The following PLXNA2 variants were observed in gnomAD, a reference collection of about 807,000 sequenced individuals.
The protein encoded by PLXNA2 is plexin-A2.
PLXNA2 carries 91 observed loss-of-function variants against 193.5 expected under a neutral mutation model. That is an observed-to-expected ratio of 0.47 (90% confidence interval 0.40 to 0.56). PLXNA2 has a LOEUF of 0.56. Ranked by LOEUF, PLXNA2 falls within the 20% of genes least tolerant of loss-of-function variation. The pLI is 0.00. For synonymous variants in PLXNA2, 997 were observed against 1,027.3 expected (o/e 0.97, Z 0.56); for missense variants, 1,995 against 2,503.2 (o/e 0.80, Z 4.33).
At chr1:208,073,764 T>C (rs1666046074) in intron 12 of PLXNA2, among the ~76,000 whole-genome samples, 1 of 149,212 alleles carries the variant, frequency 6.7e-6, no homozygotes, top group Non-Finnish European at 1.5e-5. Flanking sequence ...AGGGTCTTTA[T>C]TTAAAAAAAA....
chr1:208,090,635 G>A (rs11118982), intron 9 of PLXNA2, among the ~76,000 whole-genome samples: 66,911 of 151,942 alleles, frequency 0.44, 14,994 homozygotes, highest in Non-Finnish European at 0.46. Flanking sequence ...GCTGCAGGTC[G>A]CTTTCAGGCT....
intron 4 of PLXNA2, among the ~76,000 whole-genome samples, chr1:208,137,423 G>T (rs1668336660): frequency 6.6e-6 from 1 of 152,206 alleles, no homozygotes; most frequent in African/African-American, 2.4e-5. Flanking sequence ...GAAAACTGGG[G>T]CTATCAAGTT....
intron 4 of PLXNA2, among the ~76,000 whole-genome samples, chr1:208,118,379 C>A (rs768078873): frequency 2.0e-5 from 3 of 152,138 alleles, no homozygotes; most frequent in Non-Finnish European, 4.4e-5. Context: ...CACAGGGAAG[C>A]CCCTTGACCC....
At chr1:208,042,922 T>G in intron 21 of PLXNA2, 139 bp downstream of exon 21, 3 of 784,958 alleles carry the variant, frequency 3.8e-6, no homozygotes, top group Non-Finnish European at 6.0e-6. Flanking sequence ...GATAGCTCTG[T>G]TGCTGAGATG....
At chr1:208,058,065 C>G (rs1325565437) in intron 13 of PLXNA2, among the ~76,000 whole-genome samples, 1 of 152,218 alleles carries the variant, frequency 6.6e-6, no homozygotes, top group Non-Finnish European at 1.5e-5. Flanking sequence ...TTGCCCCACA[C>G]TACACCACCT....
intron 12 of PLXNA2, among the ~76,000 whole-genome samples, chr1:208,075,253 T>G (rs1310086037): frequency 6.6e-6 from 1 of 151,500 alleles, no homozygotes; most frequent in East Asian, 1.9e-4. Context: ...GGGGTTGTAG[T>G]GAGCCAAGAT....
intron 4 of PLXNA2, among the ~76,000 whole-genome samples, chr1:208,141,235 A>C (rs1668448173): frequency 6.6e-6 from 1 of 152,226 alleles, no homozygotes; most frequent in Non-Finnish European, 1.5e-5. Flanking sequence ...TCGTGTGCAC[A>C]CTTATCTCTT....
chr1:208,190,165 C>A (rs1460334659), intron 3 of PLXNA2, among the ~76,000 whole-genome samples: 2 of 151,602 alleles, frequency 1.3e-5, no homozygotes, highest in African/African-American at 4.8e-5. Context: ...ATTTTTTTTT[C>A]ATTCCCAGTG....
intron 1 of PLXNA2, among the ~76,000 whole-genome samples, chr1:208,221,158 T>C (rs887230808): frequency 4.6e-5 from 7 of 152,204 alleles, no homozygotes; most frequent in Non-Finnish European, 8.8e-5. Flanking sequence ...TGAATTATAG[T>C]GTCACTCACT....
intron 16 of PLXNA2, 73 bp downstream of exon 16, chr1:208,051,183 C>G: frequency 6.3e-7 from 1 of 1,594,418 alleles, no homozygotes; most frequent in South Asian, 1.1e-5. Flanking sequence ...GGATCCCTCT[C>G]ATGAGCCAGA....
At chr1:208,120,348 G>A (rs539855387) in intron 4 of PLXNA2, among the ~76,000 whole-genome samples, 1 of 152,358 alleles carries the variant, frequency 6.6e-6, no homozygotes, top group Non-Finnish European at 1.5e-5. Flanking sequence ...GGTGATTAGA[G>A]TGGGGTGGGA....
intron 31 of PLXNA2, among the ~76,000 whole-genome samples, chr1:208,027,601 G>A (rs1664380201): frequency 6.6e-6 from 1 of 152,104 alleles, no homozygotes; most frequent in Non-Finnish European, 1.5e-5. Context: ...CTACTTTCAC[G>A]TTCAATGCTA....
In PLXNA2 at chr1:208,165,017, G is replaced by A. The variant is rs188283310; in HGVS notation, c.1372-22554C>T. Among the ~76,000 whole-genome samples, 105 of 152,338 alleles carry A rather than the reference G, an allele frequency of 6.9e-4. 1 individual carries two copies. The highest frequency in any genetic ancestry group is 3.4e-3 in the Middle Eastern group (1 of 294). ...CGGAACCAAAGCTGCTGGACCCTCC[G>A]CTTCTCTTGTGCCCCCTGTTTGAAT... On this transcript the variant is annotated intron_variant, in intron 3 of 31. Transcript: ENST00000367033.
chr1:208,052,179 C>T (rs1414620427), intron 15 of PLXNA2, 148 bp downstream of exon 15: 6 of 711,260 alleles, frequency 8.4e-6, no homozygotes, highest in African/African-American at 7.1e-5. Context: ...ATATATTTCT[C>T]ACAGTGACCG....
chr1:208,030,410 T>G (rs1053408031), intron 29 of PLXNA2: 10 of 985,630 alleles, frequency 1.0e-5, no homozygotes, highest in Non-Finnish European at 1.2e-5. Context: ...CTCCCAGCGC[T>G]GGGCCGGGGA....
chr1:208,085,960 G>A (rs546438054), intron 9 of PLXNA2, among the ~76,000 whole-genome samples: 11 of 151,960 alleles, frequency 7.2e-5, no homozygotes, highest in African/African-American at 2.2e-4. Context: ...TACTTTTTTG[G>A]TTTTTTTAAA....
chr1:208,211,150 T>C (rs1670929793), intron 2 of PLXNA2, among the ~76,000 whole-genome samples: 1 of 152,238 alleles, frequency 6.6e-6, no homozygotes, highest in Non-Finnish European at 1.5e-5. Context: ...CCTGCCCACC[T>C]TTCTGATAGA....
At chr1:208,125,936 A>G (rs1571945020) in intron 4 of PLXNA2, among the ~76,000 whole-genome samples, 1 of 152,164 alleles carries the variant, frequency 6.6e-6, no homozygotes, top group African/African-American at 2.4e-5. Context: ...GTGGATTGAG[A>G]TGGTTTTGAG....
chr1:208,040,107 C>T (rs368531903), intron 22 of PLXNA2, 49 bp from the exon 23 acceptor site: 9 of 1,462,596 alleles, frequency 6.2e-6, no homozygotes, highest in Middle Eastern at 1.7e-4. Context: ...GAGGGGTCTC[C>T]GTGGTGGGGC....
Sources: allele counts gnomAD v4.1 joint callset (sites outside exome capture counted in the v4.1 genomes callset), GRCh38; gene constraint gnomAD v4.1.1; transcripts MANE v1.5; gene names NCBI Gene and HGNC (gene_info 2026-07-23, HGNC 2026-07-21).